Variants in SLC4A3 observed in about 807,000 individuals in gnomAD.
SLC4A3 encodes the protein solute carrier family 4 member 3, also known as anion exchange protein 3.
SLC4A3 carries 47 observed loss-of-function variants against 114.2 expected under a neutral mutation model. The ratio of observed to expected loss-of-function variants is 0.41; its 90% CI spans 0.33 to 0.52. SLC4A3 has a LOEUF of 0.52. SLC4A3 is among the 20% of genes least tolerant of loss of function. SLC4A3 has a pLI of 0.21. For synonymous variants in SLC4A3, 693 were observed against 710.3 expected, an observed-to-expected ratio of 0.98 and a Z score of 0.39; for missense variants, 1,312 against 1,668.3, an observed-to-expected ratio of 0.79 and a Z score of 3.72.
At chr2:219,627,872 G>A in intron 1 of SLC4A3, 28 bp from the exon 2 acceptor site, 1 of 774,584 alleles carries the variant, frequency 1.3e-6, no homozygotes, top group Non-Finnish European at 2.0e-6. Flanking sequence ...GCCAGCGCAA[G>A]GAACCTGACC....
chr2:219,638,271 T>G lies in SLC4A3; in HGVS notation c.2856+18T>G. The stretch of plus-strand genomic sequence containing the variant: ...ACACGCAGGTGAGGGAGCCCCAGCC[T>G]GTGGCAGCTGCTGTCACCCCCAGGC... On this transcript the variant is annotated intron_variant, in intron 18 of 22. Transcript: ENST00000358055. The surrounding 1 kb of genome is among the most constrained non-coding windows in gnomAD (Gnocchi z 7.5). 6.3e-7 allele frequency: 1 copy of G among 1,581,232 alleles called. No homozygotes were observed. The highest frequency in any genetic ancestry group is 8.7e-7 in the Non-Finnish European group (1 of 1,153,408).
At chr2:219,629,449 A>G in intron 4 of SLC4A3, 28 bp downstream of exon 4, 2 of 1,597,606 alleles carry the variant, frequency 1.3e-6, no homozygotes, top group Non-Finnish European at 1.7e-6. Context: ...GAGGGGTGGC[A>G]GGTCAGGGGT....
At position 219,639,443 on chromosome 2, in the gene SLC4A3, C is replaced by A; in HGVS notation, c.3024-39C>A. On this transcript the variant is annotated intron_variant, in intron 19 of 22. Coordinates refer to ENST00000358055, the MANE Select transcript of SLC4A3 (RefSeq NM_005070.4). This position sits in a 1 kb window ranked among gnomAD's most constrained non-coding sequence, Gnocchi z 5.9. ...GCCTGTCTTTGTCCCCTGCCCCTGCCAGGCCAGCCACACCCCGCTCCCCAC... is the reference window on the plus strand; with the variant it reads ...GCCTGTCTTTGTCCCCTGCCCCTGCAAGGCCAGCCACACCCCGCTCCCCAC... The A allele has an allele frequency of 6.3e-7, 1 of 1,598,284 alleles. No homozygotes were observed. Among genetic ancestry groups the A allele is most frequent in the South Asian group, 1.1e-5 (1 of 90,122 alleles).
At position 219,637,260 on chromosome 2, in the gene SLC4A3, TGTGTGTGTGC is replaced by T. The variant is rs1200011369; in HGVS notation, c.2536-310_2536-301del. On this transcript the variant is annotated intron_variant, in intron 16 of 22. Coordinates refer to ENST00000358055, the MANE Select transcript of SLC4A3 (RefSeq NM_005070.4). This position sits in a 1 kb window ranked among gnomAD's most constrained non-coding sequence, Gnocchi z 4.6. ...TGTGTTGTGTGTGATGTATGTGTTG[TGTGTGTGTGC>T]GTGTGTGTGCCTGTGTGTGCATGTT... is the stretch of plus-strand genomic sequence containing the variant. Among the ~76,000 whole-genome samples the T allele has an allele frequency of 2.0e-5, 3 of 150,972 alleles. No individual in the cohort carries two copies. The highest frequency in any genetic ancestry group is 3.0e-5 in the Non-Finnish European group (2 of 67,632).
chr2:219,627,858 G>A (rs1022312450), intron 1 of SLC4A3, 42 bp from the exon 2 acceptor site: 65 of 672,432 alleles, frequency 9.7e-5, no homozygotes, highest in Non-Finnish European at 1.5e-4. Context: ...CCCGGGTGGG[G>A]GGCGCCAGCG....
In SLC4A3 at chr2:219,629,315, G is replaced by C; in HGVS notation, c.389G>C (p.Gly130Ala). 6.2e-7 allele frequency: 1 copy of C among 1,613,388 alleles called. No homozygotes were observed. The highest frequency in any genetic ancestry group is 2.2e-5 in the East Asian group (1 of 44,864). ...GGGACCCCTCCCATCCAGGAGGAGG[G>C]GGGAGCTGGAGTGGATGAGGAAGAG... Reference protein sequence around the residue: ...SEGTPPIQEEGGAGVDEEEEE... With the variant: ...SEGTPPIQEEAGAGVDEEEEE... Residue 130 changes from glycine (G) to alanine (A), a missense_variant, in exon 4 of 23, where the codon GGG becomes GCG. By Grantham distance (60) the Gly-to-Ala change is moderately conservative. Transcript: ENST00000358055.
rs1211842849 is a variant in SLC4A3 at position 219,633,362 on chromosome 2, A to C, written c.1366A>C (p.Thr456Pro). 6.2e-7 allele frequency: 1 copy of C among 1,603,288 alleles called. No homozygotes were observed. The highest frequency in any genetic ancestry group is 1.1e-5 in the South Asian group (1 of 89,830). Residue 456 changes from threonine to proline, a missense_variant, in exon 10 of 23, where the codon ACT becomes CCT. Thr to Pro is a conservative substitution (Grantham distance 38). Around this residue, in one of 4 missense-constraint regions of SLC4A3, gnomAD observed 771 missense variants for 977.7 expected, o/e 0.79. Coordinates refer to ENST00000358055, the MANE Select transcript of SLC4A3 (RefSeq NM_005070.4). ...MNSVLGNHHP[T>P]PSHGPDGAVP... ...CTCGGTTCTGGGGAATCATCACCCA[A>C]CTCCCAGCCATGGCCCTGATGGGGC...
rs1257577832 is a variant in SLC4A3, at chr2:219,636,282, T to G, written c.2192-20T>G. On this transcript the variant is annotated intron_variant, in intron 14 of 22. Transcript: ENST00000358055. The surrounding 1 kb of genome is among the most constrained non-coding windows in gnomAD (Gnocchi z 5.5). ...GATAGACAGAGCCAGGCTAGGGCCA[T>G]CCTACCCGTGCTATGGCAGGAGAGA... The G allele has an allele frequency of 1.2e-6, 2 of 1,612,646 alleles. No homozygotes were observed. Among genetic ancestry groups the G allele is most frequent in the African/African-American group, 2.7e-5 (2 of 74,846 alleles).
In SLC4A3 at chr2:219,632,252, C is replaced by A; in HGVS notation, c.961-10C>A. ...GGCCCCTGGGCCCTCACCTTTGGCACGCCCCCCAGGTGTTCGTGGAGCTGA... is the reference window on the plus strand; with the variant it reads ...GGCCCCTGGGCCCTCACCTTTGGCAAGCCCCCCAGGTGTTCGTGGAGCTGA... On this transcript the variant is annotated splice_polypyrimidine_tract_variant and intron_variant, in intron 7 of 22. Coordinates refer to ENST00000358055, the MANE Select transcript of SLC4A3 (RefSeq NM_005070.4). 1 of 1,613,808 alleles carries A rather than the reference C, an allele frequency of 6.2e-7. No homozygotes were observed. The highest frequency in any genetic ancestry group is 8.5e-7 in the Non-Finnish European group (1 of 1,179,972).
intron 13 of SLC4A3, 43 bp downstream of exon 13, chr2:219,635,539 C>T (rs1434700425): frequency 6.6e-7 from 1 of 1,526,018 alleles, no homozygotes; most frequent in African/African-American, 1.4e-5. Context: ...CACACTCCCC[C>T]ATCCCAGGGC....
rs765993437 is a variant in SLC4A3 at position 219,637,697 on chromosome 2, C to G, written c.2652C>G (p.Pro884=). ...CCCTGCCCCCCACCGAGGGCCCCCC[C>G]AGCCCGAGGAACCAGCCCAATACGG... ...GSALPPTEGP[P]SPRNQPNTAL... Residue 884 remains proline, a synonymous_variant, in exon 17 of 23, where the codon CCC becomes CCG. Coordinates refer to ENST00000358055, the MANE Select transcript of SLC4A3 (RefSeq NM_005070.4). This position sits in a 1 kb window ranked among gnomAD's most constrained non-coding sequence, Gnocchi z 4.6. 6.2e-7 allele frequency: 1 copy of G among 1,613,106 alleles called. No individual in the cohort carries two copies. Among genetic ancestry groups the G allele is most frequent in the African/African-American group, 1.3e-5 (1 of 74,890 alleles).
intron 21 of SLC4A3, 85 bp downstream of exon 21, chr2:219,640,684 A>G: frequency 6.4e-7 from 1 of 1,568,824 alleles, no homozygotes; most frequent in Non-Finnish European, 8.7e-7. Flanking sequence ...GGATGGGATG[A>G]ATATGAAGGA....
chr2:219,638,958 T>C lies in SLC4A3; in HGVS notation c.3023+89T>C, dbSNP rs1158540770. 10 of 1,400,828 alleles carry C rather than the reference T, an allele frequency of 7.1e-6. No individual in the cohort carries two copies. Among genetic ancestry groups the C allele is most frequent in the Non-Finnish European group, 9.9e-6 (10 of 1,011,922 alleles). 86.8% of individuals were successfully genotyped at this position (1,400,828 alleles called of 1,614,324 possible). ...TTTCAGGGTTATAGCAGGGACATCA[T>C]TATCAGTATCAGGGTGCTGGGTGGT... On this transcript the variant is annotated intron_variant, in intron 19 of 22. Transcript: ENST00000358055. The surrounding 1 kb of genome is among the most constrained non-coding windows in gnomAD (Gnocchi z 7.5).
chr2:219,640,430 GC>G lies in SLC4A3; in HGVS notation c.3280del (p.Leu1094CysfsTer54). On this transcript the variant is annotated frameshift_variant and splice_region_variant, in exon 21 of 23. Coordinates refer to ENST00000358055, the MANE Select transcript of SLC4A3 (RefSeq NM_005070.4). LOFTEE classifies it high-confidence loss of function. ...VTGVLIASLV[G>X]LSIVMGAVLR... ...GGCGGGTCTGTGTCACCTCCTCCAG[GC>G]CTGTCCATCGTCATGGGGGCTGTGC... 6.2e-7 allele frequency: 1 copy of G among 1,612,304 alleles called. No homozygotes were observed. Among genetic ancestry groups the G allele is most frequent in the Non-Finnish European group, 8.5e-7 (1 of 1,178,938 alleles).
rs758781992 is a variant in SLC4A3 at position 219,638,183 on chromosome 2, A to G, written c.2786A>G (p.Asp929Gly). The G allele has an allele frequency of 1.2e-6, 2 of 1,612,008 alleles. No homozygotes were observed. The highest frequency in any genetic ancestry group is 1.7e-6 in the Non-Finnish European group (2 of 1,179,150). ...CTCAAGGCTCGTCGCATCATCGGGG[A>G]CTTTGGCATCCCCATCTCCATCCTG... ...LGGKARRIIG[D>G]FGIPISILVM... is the part of the protein sequence containing the mutation. Residue 929 changes from aspartate to glycine, a missense_variant, in exon 18 of 23, where the codon GAC becomes GGC. By Grantham distance (94) the Asp-to-Gly change is moderately conservative. This residue lies in a region of SLC4A3 where 301 missense variants were observed against 460.7 expected (regional missense o/e 0.65). Transcript: ENST00000358055. This position sits in a 1 kb window ranked among gnomAD's most constrained non-coding sequence, Gnocchi z 7.5.
In SLC4A3 at chr2:219,629,276, C is replaced by T. The variant is rs1404284533; in HGVS notation, c.350C>T (p.Ala117Val). 4 of 1,613,862 alleles carry T rather than the reference C, an allele frequency of 2.5e-6. No individual in the cohort carries two copies. The highest frequency in any genetic ancestry group is 2.7e-5 in the African/African-American group (2 of 74,918). Residue 117 changes from alanine (A) to valine (V), a missense_variant, in exon 4 of 23, where the codon GCT becomes GTT. Coordinates refer to ENST00000358055, the MANE Select transcript of SLC4A3 (RefSeq NM_005070.4). Reference sequence around the variant, plus strand: ...AAGAGGAAGAAGGAGAAAACCTCTGCTCCTCCCTCCGAGGGGACCCCTCCC... The same window carrying T: ...AAGAGGAAGAAGGAGAAAACCTCTGTTCCTCCCTCCGAGGGGACCCCTCCC... Reference protein sequence around the residue: ...RRKRKKEKTSAPPSEGTPPIQ... With the variant: ...RRKRKKEKTSVPPSEGTPPIQ...
chr2:219,635,993 C>A, intron 14 of SLC4A3, 102 bp downstream of exon 14: 1 of 942,166 alleles, frequency 1.1e-6, no homozygotes, highest in South Asian at 1.8e-5. Flanking sequence ...CATTAGGGGG[C>A]CAATGGTTAG....
rs1375890501 is a variant in SLC4A3, at chr2:219,630,995, G to A, written c.811+643G>A. ...AAAGTTGCCAGGGCCTGAGGACAGGGACAGGAACAATCCGATGGCAGCAGT... is the reference window on the plus strand; with the variant it reads ...AAAGTTGCCAGGGCCTGAGGACAGGAACAGGAACAATCCGATGGCAGCAGT... On this transcript the variant is annotated intron_variant, in intron 6 of 22. Transcript: ENST00000358055. This position sits in a 1 kb window ranked among gnomAD's most constrained non-coding sequence, Gnocchi z 6.9. 3 of 505,742 alleles carry A rather than the reference G, an allele frequency of 5.9e-6. No homozygotes were observed. The highest frequency in any genetic ancestry group is 8.9e-4 in the Middle Eastern group (1 of 1,122). 31.3% of individuals were successfully genotyped at this position (505,742 alleles called of 1,614,324 possible). A position where few individuals can be genotyped will look rare whatever the true frequency, so the allele number is the denominator to read the frequency against.
Position 219,630,407 on chromosome 2 carries a change from G to A in SLC4A3, c.811+55G>A. On this transcript the variant is annotated intron_variant, in intron 6 of 22. Transcript: ENST00000358055. The surrounding 1 kb of genome is among the most constrained non-coding windows in gnomAD (Gnocchi z 6.9). ...GTCCACTGCGACGGACTCCCAGCCT[G>A]CGAGTGACCTTGGAGAGGCTCTGAG... is the stretch of plus-strand genomic sequence containing the variant. 1 of 1,532,386 alleles carries A rather than the reference G, an allele frequency of 6.5e-7. No homozygotes were observed. Among genetic ancestry groups the A allele is most frequent in the Non-Finnish European group, 8.8e-7 (1 of 1,138,326 alleles). 94.9% of individuals were successfully genotyped at this position (1,532,386 alleles called of 1,614,324 possible).
Sources: allele counts gnomAD v4.1 joint callset (sites outside exome capture counted in the v4.1 genomes callset), GRCh38; gene constraint gnomAD v4.1.1; regional missense constraint gnomAD v4.1.1; non-coding constraint Gnocchi (gnomAD v3.1); transcripts MANE v1.5; gene names NCBI Gene and HGNC (gene_info 2026-07-23, HGNC 2026-07-21).